NPHP4: variants seen among roughly 807,000 people sequenced by gnomAD.
NPHP4 encodes nephrocystin 4.
A neutral mutation model predicts 155.8 loss-of-function variants in NPHP4; 151 were observed. The ratio of observed to expected loss-of-function variants is 0.97; its 90% CI spans 0.85 to 1.11. NPHP4 has a LOEUF of 1.11. NPHP4 is among the 50% of genes least tolerant of loss of function. The pLI is 0.00. For missense variants in NPHP4, 1,956 were observed against 1,925.7 expected, an observed-to-expected ratio of 1.02 and a Z score of -0.29; for synonymous variants, 845 against 816.8, an observed-to-expected ratio of 1.03 and a Z score of -0.59.
intron 11 of NPHP4, 31 bp from the exon 12 acceptor site, chr1:5,909,244 GA>G: frequency 6.4e-7 from 1 of 1,571,468 alleles, no homozygotes; most frequent in Non-Finnish European, 8.7e-7. Flanking sequence ...GTAGGAGAGG[GA>G]ATGTGTCAGC....
chr1:5,966,862 G>A (rs1651603855), intron 5 of NPHP4, among the ~76,000 whole-genome samples: 1 of 152,312 alleles, frequency 6.6e-6, no homozygotes, highest in Middle Eastern at 3.4e-3. Context: ...GGGAACGGCT[G>A]GTCACTGAGG....
chr1:5,864,361 A>G lies in NPHP4; in HGVS notation c.3973T>C (p.Cys1325Arg). Residue 1325 changes from cysteine (C) to arginine (R), a missense_variant, in exon 28 of 30, where the codon TGC (cysteine) becomes CGC (arginine). Transcript: ENST00000378156. Reference sequence around the variant, plus strand: ...ACCTTGGAGATGAGCGGCTGGCGGCAGCAGAGGCACACGAGCCAGGAGGCC... The same window carrying G: ...ACCTTGGAGATGAGCGGCTGGCGGCGGCAGAGGCACACGAGCCAGGAGGCC... ...LVASWLVCLC[C>R]RQPLISKAFE... 1.2e-6 allele frequency: 2 copies of G among 1,608,692 alleles called. No individual in the cohort carries two copies. Among genetic ancestry groups the G allele is most frequent in the Non-Finnish European group, 8.5e-7 (1 of 1,177,552 alleles).
intron 16 of NPHP4, among the ~76,000 whole-genome samples, chr1:5,896,407 G>A (rs920755725): frequency 3.1e-4 from 47 of 152,284 alleles, no homozygotes; most frequent in African/African-American, 1.0e-3. Context: ...CTGAACCCTC[G>A]GTGGGACAGA....
At chr1:5,939,577 C>G (rs904028758) in intron 9 of NPHP4, among the ~76,000 whole-genome samples, 2 of 152,156 alleles carry the variant, frequency 1.3e-5, no homozygotes, top group African/African-American at 4.8e-5. Context: ...CCACTTCCCT[C>G]CCTGCCCTCA....
chr1:5,898,486 A>G (rs1329854764), intron 16 of NPHP4, among the ~76,000 whole-genome samples: 1 of 152,244 alleles, frequency 6.6e-6, no homozygotes, highest in Non-Finnish European at 1.5e-5. Context: ...TCAGTTCAGT[A>G]GGACCAGCGT....
chr1:5,986,414 T>C, intron 1 of NPHP4, 87 bp from the exon 2 acceptor site: 1 of 1,101,072 alleles, frequency 9.1e-7, no homozygotes, highest in Non-Finnish European at 1.3e-6. Context: ...TCCCACTAAA[T>C]CCCAGAGGAA....
intron 19 of NPHP4, among the ~76,000 whole-genome samples, chr1:5,879,014 G>C (rs1642908576): frequency 6.6e-6 from 1 of 152,212 alleles, no homozygotes; most frequent in South Asian, 2.1e-4. Context: ...AGCTGGCCCA[G>C]AACAACAGAC....
intron 17 of NPHP4, chr1:5,888,650 C>T: frequency 2.3e-6 from 3 of 1,317,648 alleles, no homozygotes; most frequent in Non-Finnish European, 3.0e-6. Flanking sequence ...ACCATGTCAG[C>T]TTCTCCAAGA....
intron 16 of NPHP4, among the ~76,000 whole-genome samples, chr1:5,891,338 G>A (rs562555106): frequency 1.3e-5 from 2 of 152,220 alleles, no homozygotes; most frequent in Admixed American, 6.5e-5. Flanking sequence ...TGGCTAGGGA[G>A]TTTATTATTC....
intron 2 of NPHP4, among the ~76,000 whole-genome samples, chr1:5,985,619 G>T (rs1050903757): frequency 1.3e-5 from 2 of 152,230 alleles, no homozygotes; most frequent in African/African-American, 4.8e-5. Flanking sequence ...ACTGTGGGCA[G>T]AAAGAAACCC....
intron 23 of NPHP4, among the ~76,000 whole-genome samples, chr1:5,872,169 G>C (rs1195741762): frequency 6.6e-6 from 1 of 152,206 alleles, no homozygotes; most frequent in Non-Finnish European, 1.5e-5. Flanking sequence ...ACAGCATAAA[G>C]AGACAACAGA....
At chr1:5,885,905 C>A (rs1371513392) in intron 18 of NPHP4, among the ~76,000 whole-genome samples, 1 of 152,232 alleles carries the variant, frequency 6.6e-6, no homozygotes, top group Non-Finnish European at 1.5e-5. Flanking sequence ...TGGATTCGAC[C>A]TTTGTGAAAA....
intron 6 of NPHP4, among the ~76,000 whole-genome samples, chr1:5,953,813 C>T (rs1049280540): frequency 1.3e-5 from 2 of 152,328 alleles, no homozygotes; most frequent in African/African-American, 2.4e-5. Context: ...ATGAGCCAAC[C>T]GTTTCCCAAC....
rs1383247359 is a variant in NPHP4, at chr1:5,932,658, AT to A, written c.1302+488del. On this transcript the variant is annotated intron_variant, in intron 10 of 29. Transcript: ENST00000378156. ...GGTGCAGAGAACATTTCATTTCAGA[AT>A]TAAAAAAAAAAAAAAAACCTGAGAA... 6.1e-3 allele frequency among the ~76,000 whole-genome samples: 889 copies of A among 145,388 alleles called. 11 individuals are homozygous for A. The highest frequency in any genetic ancestry group is 0.02 in the African/African-American group (791 of 38,702).
chr1:5,898,352 G>A (rs2101031136), intron 16 of NPHP4, among the ~76,000 whole-genome samples: 1 of 152,324 alleles, frequency 6.6e-6, no homozygotes, highest in East Asian at 1.9e-4. Flanking sequence ...AAAAGTGTAG[G>A]AAGAAGAGGT....
intron 9 of NPHP4, among the ~76,000 whole-genome samples, chr1:5,946,579 G>A (rs12122509): frequency 0.12 from 17,972 of 152,204 alleles, 1,366 homozygotes; most frequent in Non-Finnish European, 0.17. Flanking sequence ...TTTGATCTTC[G>A]TCCAGTTTCC....
In NPHP4 at chr1:5,875,096, T is replaced by TA. The variant is rs768093553; in HGVS notation, c.2821_2822insT (p.Gln941LeufsTer52). ...CAAGTGCTGTGTGCGGACGCTCTGC[T>TA]GCGCCTGCAGACAAGAGGACATGGG... On this transcript the variant is annotated frameshift_variant, in exon 21 of 30. Coordinates refer to ENST00000378156, the MANE Select transcript of NPHP4 (RefSeq NM_015102.5). LOFTEE classifies it high-confidence loss of function. The TA allele has an allele frequency of 6.3e-7, 1 of 1,599,946 alleles. No homozygotes were observed. The highest frequency in any genetic ancestry group is 1.7e-5 in the Admixed American group (1 of 59,268).
At chr1:5,971,966 T>A (rs1398121437) in intron 3 of NPHP4, among the ~76,000 whole-genome samples, 2 of 152,266 alleles carry the variant, frequency 1.3e-5, no homozygotes, top group African/African-American at 4.8e-5. Context: ...CCTGTCTTAA[T>A]GCCTTCATCT....
At chr1:5,962,040 AC>A in intron 5 of NPHP4, 91 bp from the exon 6 acceptor site, 1 of 984,794 alleles carries the variant, frequency 1.0e-6, no homozygotes, top group Non-Finnish European at 1.5e-6. Context: ...TGTTAGAAAC[AC>A]CACAAACAGG....
Sources: gnomAD v4.1 joint callset for allele counts (sites outside exome capture counted in the v4.1 genomes callset) on GRCh38, gnomAD v4.1.1 for gene constraint, MANE v1.5 for transcripts, NCBI Gene and HGNC (gene_info 2026-07-23, HGNC 2026-07-21) for gene names.